SH3GL3: variants seen among roughly 807,000 people sequenced by gnomAD.
The protein encoded by SH3GL3 is SH3 domain containing GRB2 like 3, endophilin A3.
A neutral mutation model predicts 47.7 loss-of-function variants in SH3GL3; 33 were observed. That is an observed-to-expected ratio of 0.69 (90% confidence interval 0.52 to 0.92). The LOEUF is 0.92. Among genes scored for constraint, SH3GL3 ranks in the 40% least tolerant of loss-of-function variants. The pLI is 0.00. For missense variants in SH3GL3, 363 were observed against 417.8 expected, an observed-to-expected ratio of 0.87 and a Z score of 1.14; for synonymous variants, 155 against 148.8, an observed-to-expected ratio of 1.04 and a Z score of -0.30.
chr15:83,467,546 A>T (rs1195016508), intron 1 of SH3GL3, among the ~76,000 whole-genome samples: 1 of 152,146 alleles, frequency 6.6e-6, no homozygotes, highest in Admixed American at 6.6e-5. Flanking sequence ...ATTTTAGAAT[A>T]CTCTTGTCTA....
At chr15:83,552,793 G>A in intron 1 of SH3GL3, among the ~76,000 whole-genome samples, 1 of 152,094 alleles carries the variant, frequency 6.6e-6, no homozygotes, top group East Asian at 1.9e-4. Context: ...TTCTGATGGA[G>A]TTGTGTTAAA....
intron 1 of SH3GL3, among the ~76,000 whole-genome samples, chr15:83,495,252 C>G (rs1011336922): frequency 3.3e-5 from 5 of 152,198 alleles, no homozygotes; most frequent in African/African-American, 1.2e-4. Context: ...CCAACCTGAA[C>G]CTTCTTGTTG....
chr15:83,480,912 G>C (rs1164343220), intron 1 of SH3GL3, among the ~76,000 whole-genome samples: 1 of 152,108 alleles, frequency 6.6e-6, no homozygotes, highest in African/African-American at 2.4e-5. Context: ...CATGGATACC[G>C]AGGGGTAGCT....
intron 4 of SH3GL3, 103 bp downstream of exon 4, chr15:83,568,775 A>G: frequency 1.3e-6 from 1 of 791,196 alleles, no homozygotes; most frequent in Non-Finnish European, 2.0e-6. Context: ...ATTTTTCCAT[A>G]TTACCAAAGT....
chr15:83,598,575 G>A (rs2060294683), intron 8 of SH3GL3, among the ~76,000 whole-genome samples: 1 of 152,204 alleles, frequency 6.6e-6, no homozygotes, highest in Admixed American at 6.5e-5. Flanking sequence ...TTTCCCTTAA[G>A]ACATTCAATG....
chr15:83,619,447 C>T (rs1011798966), downstream of SH3GL3, among the ~76,000 whole-genome samples: 1 of 152,134 alleles, frequency 6.6e-6, no homozygotes, highest in African/African-American at 2.4e-5. Flanking sequence ...GCATCAGGAA[C>T]ATAGCTAATG....
chr15:83,461,007 C>A (rs1036470997), intron 1 of SH3GL3, among the ~76,000 whole-genome samples: 2 of 151,660 alleles, frequency 1.3e-5, no homozygotes, highest in Middle Eastern at 3.4e-3. Context: ...GGTGTGAACC[C>A]GGGAGGCGGA....
At chr15:83,505,749 C>T (rs990684484) in intron 1 of SH3GL3, among the ~76,000 whole-genome samples, 12 of 152,144 alleles carry the variant, frequency 7.9e-5, no homozygotes, top group African/African-American at 2.4e-4. Flanking sequence ...AGGCTGGTCA[C>T]GAACTCCTGA....
At chr15:83,553,226 C>A (rs911556032) in intron 1 of SH3GL3, among the ~76,000 whole-genome samples, 6 of 152,134 alleles carry the variant, frequency 3.9e-5, no homozygotes, top group Admixed American at 2.6e-4. Context: ...AAACAAAAAA[C>A]AAAGACAGGT....
At chr15:83,547,677 T>C (rs1265701066) in intron 1 of SH3GL3, among the ~76,000 whole-genome samples, 1 of 152,090 alleles carries the variant, frequency 6.6e-6, no homozygotes, top group African/African-American at 2.4e-5. Context: ...CAGAAATCAG[T>C]GTTAGTGTTT....
At chr15:83,633,349 T>G in the SH3GL3 span, among the ~76,000 whole-genome samples, 172 of 152,336 alleles carry the variant, frequency 1.1e-3, no homozygotes, top group Non-Finnish European at 2.0e-3. Flanking sequence ...TTCTTTTCTC[T>G]TTCCTCCTTT....
intron 8 of SH3GL3, among the ~76,000 whole-genome samples, chr15:83,612,940 A>G (rs147849095): frequency 1.8e-4 from 27 of 152,316 alleles, no homozygotes; most frequent in African/African-American, 6.5e-4. Flanking sequence ...AATGTTTCAC[A>G]ACTGAAATGG....
intron 1 of SH3GL3, among the ~76,000 whole-genome samples, chr15:83,461,031 C>T (rs1416232653): frequency 2.0e-5 from 3 of 151,382 alleles, no homozygotes; most frequent in Non-Finnish European, 1.5e-5. Flanking sequence ...TGTAGTGAGC[C>T]GAGATCACGC....
At chr15:83,604,076 G>A (rs772235005) in intron 8 of SH3GL3, among the ~76,000 whole-genome samples, 3 of 152,036 alleles carry the variant, frequency 2.0e-5, no homozygotes, top group Admixed American at 6.6e-5. Flanking sequence ...CAGAGGTTGC[G>A]GTGAGGTTGT....
chr15:83,502,906 T>C (rs2042351899), intron 1 of SH3GL3, among the ~76,000 whole-genome samples: 8 of 152,166 alleles, frequency 5.3e-5, no homozygotes, highest in Admixed American at 5.2e-4. Context: ...GAGCTCCCAA[T>C]ATATATACCA....
chr15:83,493,958 GT>G (rs1216558543), intron 1 of SH3GL3, among the ~76,000 whole-genome samples: 1 of 152,266 alleles, frequency 6.6e-6, no homozygotes, highest in Non-Finnish European at 1.5e-5. Flanking sequence ...ATGGCTGTAA[GT>G]GGAAGAATAG....
intron 1 of SH3GL3, among the ~76,000 whole-genome samples, chr15:83,486,838 G>A (rs1055606260): frequency 6.6e-6 from 1 of 152,164 alleles, no homozygotes; most frequent in African/African-American, 2.4e-5. Flanking sequence ...CTTGGAAAGG[G>A]CCCGCTTCCT....
intron 1 of SH3GL3, among the ~76,000 whole-genome samples, chr15:83,544,086 T>C (rs1212798100): frequency 1.3e-5 from 2 of 152,012 alleles, no homozygotes; most frequent in Non-Finnish European, 2.9e-5. Context: ...TCTAGTTCTT[T>C]AGATGCATCA....
intron 1 of SH3GL3, among the ~76,000 whole-genome samples, chr15:83,463,767 CTTTTTTTTTT>C (rs910419812): frequency 8.1e-6 from 1 of 122,916 alleles, no homozygotes; most frequent in African/African-American, 3.2e-5. Context: ...TTCTTTCTTT[CTTTTTTTTTT>C]TTTTTTTTTG....
Sources: allele counts gnomAD v4.1 joint callset (sites outside exome capture counted in the v4.1 genomes callset), GRCh38; gene constraint gnomAD v4.1.1; transcripts MANE v1.5; gene names NCBI Gene and HGNC (gene_info 2026-07-23, HGNC 2026-07-21).